The following GTF2B variants were observed in gnomAD, a reference collection of about 807,000 sequenced individuals.
The protein encoded by GTF2B is transcription initiation factor IIB.
In GTF2B, 20 loss-of-function variants were observed where a neutral mutation model predicts 34.6. That is an observed-to-expected ratio of 0.58 (90% CI 0.41 to 0.84). The LOEUF is 0.84. Among genes scored for constraint, GTF2B ranks in the 40% least tolerant of loss-of-function variants. The probability of loss-of-function intolerance (pLI) is 0.00; values close to 1 mark genes in which losing one functional copy is unlikely to be tolerated. For missense variants in GTF2B, 237 were observed against 393.3 expected (o/e 0.60, Z 3.36); for synonymous variants, 142 against 132.4 (o/e 1.07, Z -0.50).
chr1:88,884,023 CTTTTTT>C (rs56745053), intron 2 of GTF2B, among the ~76,000 whole-genome samples: 3 of 111,228 alleles, frequency 2.7e-5, no homozygotes, highest in African/African-American at 1.1e-4. Context: ...TCAGCACTGA[CTTTTTT>C]TTTTTTTTTT....
intron 2 of GTF2B, among the ~76,000 whole-genome samples, chr1:88,868,462 C>G (rs1673607428): frequency 6.6e-6 from 1 of 152,148 alleles, no homozygotes; most frequent in African/African-American, 2.4e-5. Flanking sequence ...ATCAAGTTCC[C>G]CATCCAAAAG....
chr1:88,863,919 C>T (rs1673494848), intron 3 of GTF2B, 62 bp downstream of exon 3: 27 of 1,514,980 alleles, frequency 1.8e-5, no homozygotes, highest in Non-Finnish European at 2.2e-5. Context: ...TTGCAAAGTT[C>T]CCAAACTCTC....
intron 1 of GTF2B, among the ~76,000 whole-genome samples, chr1:88,888,607 C>T (rs546004670): frequency 9.2e-5 from 14 of 152,106 alleles, no homozygotes; most frequent in African/African-American, 2.9e-4. Context: ...ATGTGCAACA[C>T]GTGCTAAGAA....
intron 2 of GTF2B, among the ~76,000 whole-genome samples, chr1:88,880,363 G>C (rs1490153578): frequency 6.6e-6 from 1 of 152,138 alleles, no homozygotes; most frequent in Non-Finnish European, 1.5e-5. Flanking sequence ...TAGTGTAAGA[G>C]GTAAAGGCTG....
At chr1:88,861,687 C>T (rs1475959256) in intron 3 of GTF2B, among the ~76,000 whole-genome samples, 3 of 152,124 alleles carry the variant, frequency 2.0e-5, no homozygotes, top group African/African-American at 4.8e-5. Flanking sequence ...ACAAAACAGG[C>T]CGAGTGTGAT....
intron 2 of GTF2B, among the ~76,000 whole-genome samples, chr1:88,869,645 C>T (rs559472631): frequency 5.9e-5 from 9 of 151,792 alleles, no homozygotes; most frequent in African/African-American, 1.7e-4. Flanking sequence ...TTTTTTCCCC[C>T]GAGACGGAGT....
intron 2 of GTF2B, among the ~76,000 whole-genome samples, chr1:88,866,042 A>T (rs955947778): frequency 2.0e-5 from 3 of 152,094 alleles, no homozygotes; most frequent in Non-Finnish European, 4.4e-5. Context: ...CAACCAGAGT[A>T]TAGTGATCAT....
intron 1 of GTF2B, 93 bp downstream of exon 1, chr1:88,891,390 G>T: frequency 1.1e-6 from 1 of 908,478 alleles, no homozygotes; most frequent in Non-Finnish European, 1.7e-6. Context: ...ACCCCTAGGC[G>T]CTCAGCCCTA....
chr1:88,858,010 T>A (rs1261531197), intron 5 of GTF2B, among the ~76,000 whole-genome samples: 1 of 151,094 alleles, frequency 6.6e-6, no homozygotes. Context: ...CAATTTAGAG[T>A]TTTTTTGTTT....
chr1:88,887,271 G>A lies in GTF2B; in HGVS notation c.114C>T (p.Gly38=). ...ATAATAACAACTCACCTACAACCAA[G>A]CCACATTCAGGACAGATCATATCAC... ...RAGDMICPEC[G]LVVGDRVIDV... Residue 38 remains glycine, a synonymous_variant, in exon 2 of 7, where the codon GGC becomes GGT. Transcript: ENST00000370500. 3 of 1,599,876 alleles carry A rather than the reference G, an allele frequency of 1.9e-6. No homozygotes were observed. The highest frequency in any genetic ancestry group is 2.6e-6 in the Non-Finnish European group (3 of 1,167,500).
chr1:88,874,955 T>C (rs751052131), intron 2 of GTF2B, among the ~76,000 whole-genome samples: 1 of 152,142 alleles, frequency 6.6e-6, no homozygotes, highest in Non-Finnish European at 1.5e-5. Context: ...CAAGGTACTT[T>C]GGAAAACTAT....
chr1:88,868,418 C>T (rs1162722326), intron 2 of GTF2B, among the ~76,000 whole-genome samples: 1 of 152,206 alleles, frequency 6.6e-6, no homozygotes, highest in African/African-American at 2.4e-5. Context: ...CACGACTCCT[C>T]CCTCCACCTA....
At position 88,853,134 on chromosome 1, in the gene GTF2B, G is replaced by GTGC. The variant is rs1557650929; in HGVS notation, c.*78_*79insGCA. 44 of 1,325,620 alleles carry GTGC rather than the reference G, an allele frequency of 3.3e-5. No individual in the cohort carries two copies. The African/African-American group carries it at 5.6e-4, about 17-fold the overall frequency. 82.1% of individuals were successfully genotyped at this position (1,325,620 alleles called of 1,614,324 possible). A position where few individuals can be genotyped will look rare whatever the true frequency, so the allele number is the denominator to read the frequency against. ...TGTCTTTTGTTTTTCCTCATGAAAGGCTCAACCCAGCATTTTGTATAGGCT... is the reference window on the plus strand; with the variant it reads ...TGTCTTTTGTTTTTCCTCATGAAAGGTGCCTCAACCCAGCATTTTGTATAGGCT... On this transcript the variant is annotated 3_prime_UTR_variant, in exon 7 of 7. Coordinates refer to ENST00000370500, the MANE Select transcript of GTF2B (RefSeq NM_001514.6).
intron 6 of GTF2B, among the ~76,000 whole-genome samples, chr1:88,855,962 C>G (rs1279355261): frequency 6.6e-6 from 1 of 152,180 alleles, no homozygotes; most frequent in African/African-American, 2.4e-5. Flanking sequence ...GGAGTAGTCA[C>G]TTCTAACTTT....
chr1:88,874,619 G>A (rs1198346221), intron 2 of GTF2B, among the ~76,000 whole-genome samples: 1 of 148,604 alleles, frequency 6.7e-6, no homozygotes, highest in Non-Finnish European at 1.5e-5. Context: ...TCAGGATTAC[G>A]GCACAAGCCC....
chr1:88,860,183 A>T lies in GTF2B; in HGVS notation c.362T>A (p.Ile121Asn), dbSNP rs777180677. ...DRAMMNAFKE[I>N]TTMADRINLP... ...ATTGATTCTGTCTGCCATGGTAGTGATTTCTTTGAATGCATTCATCATTGC... is the reference window on the plus strand; with the variant it reads ...ATTGATTCTGTCTGCCATGGTAGTGTTTTCTTTGAATGCATTCATCATTGC... The change falls in exon 4 of 7, where the codon ATC (isoleucine) becomes AAC (asparagine). Residue 121 changes from isoleucine (I) to asparagine (N), a missense_variant. Transcript: ENST00000370500. 6.2e-7 allele frequency: 1 copy of T among 1,613,986 alleles called. No homozygotes were observed.
intron 2 of GTF2B, among the ~76,000 whole-genome samples, chr1:88,878,572 T>C (rs1673864455): frequency 6.6e-6 from 1 of 152,218 alleles, no homozygotes; most frequent in Admixed American, 6.5e-5. Flanking sequence ...TTTCCAAAGA[T>C]GGCAACAATA....
At chr1:88,885,693 T>C (rs548724242) in intron 2 of GTF2B, among the ~76,000 whole-genome samples, 2 of 152,168 alleles carry the variant, frequency 1.3e-5, no homozygotes, top group African/African-American at 4.8e-5. Flanking sequence ...GAGGTTGTGG[T>C]GAACCGAGAT....
At chr1:88,889,719 G>A (rs1349421043) in intron 1 of GTF2B, among the ~76,000 whole-genome samples, 1 of 152,162 alleles carries the variant, frequency 6.6e-6, no homozygotes, top group Non-Finnish European at 1.5e-5. Flanking sequence ...CATGCAAAAG[G>A]TAGAAATATT....
Sources: allele counts gnomAD v4.1 joint callset (sites outside exome capture counted in the v4.1 genomes callset), GRCh38; gene constraint gnomAD v4.1.1; transcripts MANE v1.5; gene names NCBI Gene and HGNC (gene_info 2026-07-23, HGNC 2026-07-21).